The following MYO5B variants were observed in gnomAD, a reference collection of about 807,000 sequenced individuals.
The protein encoded by MYO5B is unconventional myosin-Vb.
In MYO5B, 143 loss-of-function variants were observed where a neutral mutation model predicts 229.3. That is an observed-to-expected ratio of 0.62 (90% CI 0.54 to 0.72). The LOEUF (loss-of-function observed/expected upper bound fraction) is 0.72. Among genes scored for constraint, MYO5B ranks in the 30% least tolerant of loss-of-function variants. The pLI is 0.00. For missense variants in MYO5B, 2,321 were observed against 2,331.0 expected, an observed-to-expected ratio of 1.00 and a Z score of 0.09; for synonymous variants, 918 against 885.2, an observed-to-expected ratio of 1.04 and a Z score of -0.66.
intron 1 of MYO5B, among the ~76,000 whole-genome samples, chr18:50,182,446 A>T (rs551417626): frequency 6.6e-6 from 1 of 152,232 alleles, no homozygotes; most frequent in South Asian, 2.1e-4. Flanking sequence ...GGGGAAAAAT[A>T]GGAGACTGTG....
rs1385797654 is a variant in MYO5B, at chr18:49,916,010, C to G, written c.2091-3837G>C. Among the ~76,000 whole-genome samples the G allele has an allele frequency of 2.0e-5, 3 of 152,350 alleles. No homozygotes were observed. The East Asian group carries it at 5.8e-4, about 29-fold the overall frequency. On this transcript the variant is annotated intron_variant, in intron 17 of 39. Transcript: ENST00000285039. ...CTGTGCTCACCATCCATCTTTGACTCTTTCGGCTTTGCTGACCCACCCGCT... is the reference window on the plus strand; with the variant it reads ...CTGTGCTCACCATCCATCTTTGACTGTTTCGGCTTTGCTGACCCACCCGCT...
chr18:49,854,353 TATAAC>T, intron 30 of MYO5B, among the ~76,000 whole-genome samples: 1 of 150,154 alleles, frequency 6.7e-6, no homozygotes, highest in Admixed American at 6.6e-5. Flanking sequence ...GGAGAAGTCT[TATAAC>T]ATTCTGAGTC....
intron 1 of MYO5B, among the ~76,000 whole-genome samples, chr18:50,131,251 C>T (rs1308018418): frequency 6.6e-6 from 1 of 152,186 alleles, no homozygotes; most frequent in East Asian, 1.9e-4. Context: ...TTTGATAAAA[C>T]TCACACTGCA....
intron 21 of MYO5B, among the ~76,000 whole-genome samples, chr18:49,897,683 G>A (rs931561341): frequency 1.3e-5 from 2 of 152,164 alleles, no homozygotes; most frequent in African/African-American, 2.4e-5. Flanking sequence ...GAAGCCACAA[G>A]TTAAAAGTAT....
chr18:50,075,911 C>T (rs1372168909), intron 1 of MYO5B, among the ~76,000 whole-genome samples: 1 of 152,208 alleles, frequency 6.6e-6, no homozygotes, highest in Non-Finnish European at 1.5e-5. Flanking sequence ...AGTAAATGCA[C>T]ATCAGAGGCC....
intron 21 of MYO5B, among the ~76,000 whole-genome samples, chr18:49,899,088 A>G (rs2024812922): frequency 6.6e-6 from 1 of 152,202 alleles, no homozygotes; most frequent in South Asian, 2.1e-4. Context: ...GACAGAACCC[A>G]GGCCTCTGTC....
chr18:49,940,201 C>T (rs921999941), intron 14 of MYO5B, among the ~76,000 whole-genome samples: 6 of 152,172 alleles, frequency 3.9e-5, no homozygotes, highest in Non-Finnish European at 1.5e-5. Context: ...GTCCTAGAAG[C>T]ATATCAAAAC....
At chr18:49,866,574 C>G (rs1309590401) in intron 27 of MYO5B, among the ~76,000 whole-genome samples, 1 of 152,148 alleles carries the variant, frequency 6.6e-6, no homozygotes, top group Non-Finnish European at 1.5e-5. Context: ...TTCTAGGTAC[C>G]TCATATAAAT....
intron 9 of MYO5B, among the ~76,000 whole-genome samples, chr18:49,980,229 C>G (rs1598928455): frequency 6.6e-6 from 1 of 152,196 alleles, no homozygotes; most frequent in African/African-American, 2.4e-5. Flanking sequence ...ATCAAATAGC[C>G]ACTACATTCC....
chr18:49,953,263 G>A lies in MYO5B; in HGVS notation c.1749C>T (p.Ser583=). ...CCCCACTTCTGACACTCTTTACCTT[G>A]CTGGCCTTCAGGATATTGATCTGCT... ...YEEQINILKA[S]KFPLVADLFH... is the part of the protein sequence containing the mutation. Residue 583 remains serine (S), a synonymous_variant, in exon 14 of 40, where the codon AGC becomes AGT. Coordinates refer to ENST00000285039, the MANE Select transcript of MYO5B (RefSeq NM_001080467.3). The A allele has an allele frequency of 6.2e-7, 1 of 1,613,894 alleles. No individual in the cohort carries two copies. The highest frequency in any genetic ancestry group is 8.5e-7 in the Non-Finnish European group (1 of 1,179,858).
chr18:49,977,984 T>A (rs1035958773), intron 9 of MYO5B, among the ~76,000 whole-genome samples: 4 of 152,206 alleles, frequency 2.6e-5, no homozygotes, highest in Non-Finnish European at 1.5e-5. Flanking sequence ...ACCTTGGCCA[T>A]CTCGACTTAG....
At chr18:49,944,813 C>G (rs1016909233) in intron 14 of MYO5B, among the ~76,000 whole-genome samples, 2 of 152,090 alleles carry the variant, frequency 1.3e-5, no homozygotes, top group Admixed American at 6.6e-5. Context: ...ACTTTACCAT[C>G]GATCACCTCG....
chr18:50,013,910 G>C (rs374324787), intron 4 of MYO5B, among the ~76,000 whole-genome samples: 3 of 152,182 alleles, frequency 2.0e-5, no homozygotes, highest in African/African-American at 7.2e-5. Flanking sequence ...GCCCAGCAGA[G>C]GGGCTGGCAG....
At chr18:49,917,307 G>T (rs552912085) in intron 17 of MYO5B, among the ~76,000 whole-genome samples, 1 of 152,156 alleles carries the variant, frequency 6.6e-6, no homozygotes, top group South Asian at 2.1e-4. Context: ...CATTCAACAC[G>T]TTAAACCTTT....
At chr18:49,854,472 G>C (rs1037310614) in intron 30 of MYO5B, among the ~76,000 whole-genome samples, 1 of 152,230 alleles carries the variant, frequency 6.6e-6, no homozygotes, top group South Asian at 2.1e-4. Context: ...TCTTCAGGAA[G>C]TTAGATGCTA....
chr18:49,992,915 G>C (rs2025949319), intron 5 of MYO5B, among the ~76,000 whole-genome samples: 1 of 152,118 alleles, frequency 6.6e-6, no homozygotes, highest in Non-Finnish European at 1.5e-5. Flanking sequence ...AATACACTTT[G>C]ATCAGTTCTA....
chr18:49,898,678 C>A (rs1323049346), intron 21 of MYO5B, among the ~76,000 whole-genome samples: 1 of 152,190 alleles, frequency 6.6e-6, no homozygotes, highest in Non-Finnish European at 1.5e-5. Flanking sequence ...GCTCCAAATC[C>A]TCTTGAACTG....
At chr18:49,935,393 T>C (rs963370737) in intron 16 of MYO5B, among the ~76,000 whole-genome samples, 1 of 152,066 alleles carries the variant, frequency 6.6e-6, no homozygotes, top group Non-Finnish European at 1.5e-5. Context: ...TGACAGCACA[T>C]ACCCATCATC....
chr18:50,121,918 TGACTAAAATATTTGAAGTG>T (rs753608347), intron 1 of MYO5B, among the ~76,000 whole-genome samples: 4 of 152,252 alleles, frequency 2.6e-5, no homozygotes, highest in Non-Finnish European at 4.4e-5. Context: ...TCTTTGCTTT[TGACTAAAATATTTGAAGTG>T]GACATCACCC....
Sources: gnomAD v4.1 joint callset for allele counts (sites outside exome capture counted in the v4.1 genomes callset) on GRCh38, gnomAD v4.1.1 for gene constraint, MANE v1.5 for transcripts, NCBI Gene and HGNC (gene_info 2026-07-23, HGNC 2026-07-21) for gene names.